Variants in PLA2G12B observed in about 807,000 individuals in gnomAD.
PLA2G12B encodes group XIIB secretory phospholipase A2-like protein.
PLA2G12B carries 19 observed loss-of-function variants against 22.3 expected under a neutral mutation model. That is an observed-to-expected ratio of 0.85 (90% CI 0.60 to 1.25). The LOEUF (loss-of-function observed/expected upper bound fraction) is 1.25. Among genes scored for constraint, PLA2G12B ranks in the 50% most tolerant of loss-of-function variants. The pLI, the probability that PLA2G12B is intolerant of heterozygous loss-of-function variation, is 0.00. For missense variants in PLA2G12B, 191 were observed against 246.6 expected (o/e 0.77, Z 1.51); for synonymous variants, 81 against 94.9 (o/e 0.85, Z 0.85).
rs540274871 is a variant in PLA2G12B at position 72,938,456 on chromosome 10, AT to A, written c.466+2712del. ...AAGCCTATGGAATCCATGAAAAAAA[AT>A]ATTAGAACTAAGGAGTTATTTCAGC... On this transcript the variant is annotated intron_variant, in intron 3 of 3. Transcript: ENST00000373032. 2.4e-4 allele frequency among the ~76,000 whole-genome samples: 36 copies of A among 152,326 alleles called. 1 individual carries two copies. In the South Asian group the frequency reaches 6.6e-3, roughly 28 times the overall value.
chr10:72,948,198 T>A (rs1271771232), intron 1 of PLA2G12B, among the ~76,000 whole-genome samples: 1 of 152,178 alleles, frequency 6.6e-6, no homozygotes, highest in African/African-American at 2.4e-5. Flanking sequence ...ATCTTTTTAA[T>A]AATTTTGCTG....
chr10:72,945,092 A>G (rs1362823444), intron 1 of PLA2G12B, among the ~76,000 whole-genome samples: 1 of 152,198 alleles, frequency 6.6e-6, no homozygotes, highest in African/African-American at 2.4e-5. Context: ...ATTAGGGGAC[A>G]CTAAGCAGTT....
At chr10:72,945,513 G>A (rs1267641156) in intron 1 of PLA2G12B, among the ~76,000 whole-genome samples, 1 of 152,156 alleles carries the variant, frequency 6.6e-6, no homozygotes, top group Admixed American at 6.6e-5. Flanking sequence ...GAGAAACTGA[G>A]CCAGAATCGC....
intron 1 of PLA2G12B, among the ~76,000 whole-genome samples, chr10:72,950,733 G>A (rs1159211626): frequency 6.6e-6 from 1 of 152,204 alleles, no homozygotes; most frequent in Non-Finnish European, 1.5e-5. Flanking sequence ...GCCGGCCTCA[G>A]CCTCCCAAAG....
At chr10:72,943,099 GGGATTACA>G (rs1452189573) in intron 1 of PLA2G12B, among the ~76,000 whole-genome samples, 1 of 151,860 alleles carries the variant, frequency 6.6e-6, no homozygotes, top group Non-Finnish European at 1.5e-5. Flanking sequence ...CCGAGTAGCT[GGGATTACA>G]GGCATGTGTC....
chr10:72,945,965 T>C (rs1412592249), intron 1 of PLA2G12B, among the ~76,000 whole-genome samples: 1 of 152,302 alleles, frequency 6.6e-6, no homozygotes, highest in Middle Eastern at 3.4e-3. Context: ...ATGATTTTAA[T>C]CTCTTTGTTA....
chr10:72,949,045 C>G lies in PLA2G12B; in HGVS notation c.211+5430G>C, dbSNP rs1049444153. Among the ~76,000 whole-genome samples the G allele has an allele frequency of 1.1e-4, 16 of 152,272 alleles. 1 individual carries two copies. The South Asian group carries it at 3.3e-3, about 32-fold the overall frequency. On this transcript the variant is annotated intron_variant, in intron 1 of 3. Coordinates refer to ENST00000373032, the MANE Select transcript of PLA2G12B (RefSeq NM_032562.5). ...TGCCTTCCCGGGAGGGTGCGTCCAT[C>G]CTCTCCACCCAGCTGGTTCCCCCAA...
intron 1 of PLA2G12B, among the ~76,000 whole-genome samples, chr10:72,947,710 G>A: frequency 6.6e-6 from 1 of 152,132 alleles, no homozygotes; most frequent in East Asian, 1.9e-4. Context: ...CCCTGTCTCA[G>A]GCAGTTTGGA....
intron 1 of PLA2G12B, among the ~76,000 whole-genome samples, chr10:72,951,616 C>T (rs551194421): frequency 3.2e-4 from 49 of 152,152 alleles, no homozygotes; most frequent in Non-Finnish European, 5.4e-4. Context: ...CGCCACTACA[C>T]CCGGCTAATT....
chr10:72,946,268 G>A lies in PLA2G12B; in HGVS notation c.212-3528C>T, dbSNP rs75186034. Among the ~76,000 whole-genome samples the A allele has an allele frequency of 3.2e-3, 485 of 152,258 alleles. 3 individuals carry two copies. The highest frequency in any genetic ancestry group is 0.011 in the African/African-American group (459 of 41,536). On this transcript the variant is annotated intron_variant, in intron 1 of 3. Transcript: ENST00000373032. ...CAAAATGTTTTCTGGTTTCATACAT[G>A]TTGTAGTATGTATCAGTACTTAAGT... is the stretch of plus-strand genomic sequence containing the variant.
At chr10:72,935,970 G>C (rs999096514) in intron 3 of PLA2G12B, among the ~76,000 whole-genome samples, 1 of 152,132 alleles carries the variant, frequency 6.6e-6, no homozygotes, top group Non-Finnish European at 1.5e-5. Flanking sequence ...ACAATGGTGA[G>C]CAACCAGAAC....
chr10:72,946,696 A>G (rs1846448261), intron 1 of PLA2G12B, among the ~76,000 whole-genome samples: 1 of 152,118 alleles, frequency 6.6e-6, no homozygotes, highest in African/African-American at 2.4e-5. Flanking sequence ...GATTATGTTG[A>G]GCATCTTTTT....
chr10:72,944,253 A>T (rs559600670), intron 1 of PLA2G12B, among the ~76,000 whole-genome samples: 2 of 152,182 alleles, frequency 1.3e-5, no homozygotes, highest in East Asian at 3.9e-4. Context: ...CTTGCTATAA[A>T]TTTTTTTTAA....
At chr10:72,942,617 C>T (rs1846380409) in intron 2 of PLA2G12B, 35 bp downstream of exon 2, 1 of 1,518,050 alleles carries the variant, frequency 6.6e-7, no homozygotes. Flanking sequence ...CAGTCAAAAC[C>T]AACCAACCAA....
rs562470180 is a variant in PLA2G12B at position 72,954,617 on chromosome 10, C to T, written c.69G>A (p.Thr23=). ...SLGGGLAQSD[T]SPDTEESYSD... is the part of the protein sequence containing the mutation. The stretch of plus-strand genomic sequence containing the variant: ...AATAGGACTCCTCCGTGTCAGGGCT[C>T]GTGTCGCTCTGAGCCAGGCCACCCC... The change falls in exon 1 of 4, where the codon ACG becomes ACA. Residue 23 remains threonine, a synonymous_variant. Transcript: ENST00000373032. 4.3e-6 allele frequency: 7 copies of T among 1,614,034 alleles called. No individual in the cohort carries two copies. The highest frequency in any genetic ancestry group is 1.3e-5 in the African/African-American group (1 of 74,932).
At chr10:72,941,102 G>C in intron 3 of PLA2G12B, 67 bp downstream of exon 3, 2 of 1,488,202 alleles carry the variant, frequency 1.3e-6, no homozygotes, top group Non-Finnish European at 1.8e-6. Flanking sequence ...AGGGGTTCTG[G>C]CTATATCTCG....
intron 1 of PLA2G12B, among the ~76,000 whole-genome samples, chr10:72,952,955 C>T (rs1005463851): frequency 3.9e-5 from 6 of 152,308 alleles, no homozygotes; most frequent in Middle Eastern, 3.4e-3. Flanking sequence ...CTGCTGTTGC[C>T]TATTTGCTGA....
chr10:72,939,537 G>A lies in PLA2G12B; in HGVS notation c.466+1632C>T, dbSNP rs527865085. Among the ~76,000 whole-genome samples the A allele has an allele frequency of 3.5e-4, 53 of 152,290 alleles. No homozygotes were observed. In the South Asian group the frequency reaches 0.01, roughly 29 times the overall value. On this transcript the variant is annotated intron_variant, in intron 3 of 3. Transcript: ENST00000373032. Reference sequence around the variant, plus strand: ...CACTCTTTTTGTAGAATCTACAAAGGGACGTTTCTGAGCCCATTGAGGCCT... The same window carrying A: ...CACTCTTTTTGTAGAATCTACAAAGAGACGTTTCTGAGCCCATTGAGGCCT...
At chr10:72,942,566 G>A (rs994301483) in intron 2 of PLA2G12B, 86 bp downstream of exon 2, 123 of 1,131,146 alleles carry the variant, frequency 1.1e-4, no homozygotes, top group Non-Finnish European at 1.4e-4. Flanking sequence ...CTTTTTTCCA[G>A]AAATAATCAC....
Sources: allele counts gnomAD v4.1 joint callset (sites outside exome capture counted in the v4.1 genomes callset), GRCh38; gene constraint gnomAD v4.1.1; transcripts MANE v1.5; gene names NCBI Gene and HGNC (gene_info 2026-07-23, HGNC 2026-07-21).